Variants in SPAST observed in about 807,000 individuals in gnomAD.
The protein encoded by SPAST is spastic paraplegia 4 (autosomal dominant; spastin).
SPAST carries 30 observed loss-of-function variants against 76.6 expected under a neutral mutation model. The ratio of observed to expected loss-of-function variants is 0.39; its 90% confidence interval spans 0.29 to 0.53. The LOEUF (loss-of-function observed/expected upper bound fraction) is 0.53, where lower values mean the gene tolerates loss of function less well. Among genes scored for constraint, SPAST ranks in the 20% least tolerant of loss-of-function variants. SPAST has a pLI of 0.68. For synonymous variants in SPAST, 305 were observed against 281.0 expected, an observed-to-expected ratio of 1.09 and a Z score of -0.86; for missense variants, 717 against 770.5, an observed-to-expected ratio of 0.93 and a Z score of 0.82.
At chr2:32,110,771 C>CATAGTATAGTATATATAGT (rs1454173232) in intron 4 of SPAST, among the ~76,000 whole-genome samples, 1 of 108,522 alleles carries the variant, frequency 9.2e-6, no homozygotes, top group African/African-American at 3.7e-5. Context: ...ATATAGTATA[C>CATAGTATAGTATATATAGT]ATAGTATACT....
intron 15 of SPAST, 77 bp downstream of exon 15, chr2:32,145,084 TAC>T: frequency 6.5e-6 from 7 of 1,076,966 alleles, no homozygotes; most frequent in South Asian, 1.4e-5. Context: ...CAAAAAAATC[TAC>T]CAAGAGATTT....
At position 32,110,624 on chromosome 2, in the gene SPAST, ATAGTATATG is replaced by A. The variant is rs1678533728; in HGVS notation, c.683-4005_683-3997del. On this transcript the variant is annotated intron_variant, in intron 4 of 16. Transcript: ENST00000315285. ...ACACTATATACTATATAGTGTATAT[ATAGTATATG>A]TAGTATATATAGTATATATAGTATA... Among the ~76,000 whole-genome samples, 5 of 137,328 alleles carry A rather than the reference ATAGTATATG, an allele frequency of 3.6e-5. No homozygotes were observed. In the Admixed American group the frequency reaches 3.8e-4, roughly 10 times the overall value. The allele number at this position is 137,328 out of a possible 152,430, so 90.1% of individuals were successfully genotyped here.
chr2:32,147,374 A>G (rs1216249326), intron 16 of SPAST, 116 bp downstream of exon 16: 7 of 505,906 alleles, frequency 1.4e-5, no homozygotes, highest in Middle Eastern at 5.3e-4. Flanking sequence ...TTTTTTTGAG[A>G]CAGTCTGGCA....
intron 4 of SPAST, among the ~76,000 whole-genome samples, chr2:32,110,266 G>A (rs575477547): frequency 2.0e-5 from 3 of 148,952 alleles, no homozygotes; most frequent in East Asian, 3.9e-4. Flanking sequence ...TTACAGGCAC[G>A]TGGCACCACG....
At chr2:32,072,279 G>A (rs1469091551) in intron 1 of SPAST, among the ~76,000 whole-genome samples, 3 of 152,018 alleles carry the variant, frequency 2.0e-5, no homozygotes, top group Non-Finnish European at 4.4e-5. Flanking sequence ...TCTTGACCTC[G>A]TGATTCACCC....
chr2:32,124,214 C>A (rs1679116581), intron 7 of SPAST, among the ~76,000 whole-genome samples: 1 of 152,136 alleles, frequency 6.6e-6, no homozygotes, highest in African/African-American at 2.4e-5. Context: ...GGCAAAATAT[C>A]TGAACAGACA....
chr2:32,068,326 T>C (rs1489617808), intron 1 of SPAST, among the ~76,000 whole-genome samples: 1 of 73,314 alleles, frequency 1.4e-5, no homozygotes, highest in Non-Finnish European at 3.0e-5. Context: ...TTGACAGCTC[T>C]TTTTTTTTTT....
rs746352930 is a variant in SPAST at position 32,155,359 on chromosome 2, G to A, written c.*863G>A. ...GCAAGAATTATTCTGATATTTAAGAGAGCCAATTTTAACTGCTGTGAAAAT... is the reference window on the plus strand; with the variant it reads ...GCAAGAATTATTCTGATATTTAAGAAAGCCAATTTTAACTGCTGTGAAAAT... On this transcript the variant is annotated 3_prime_UTR_variant, in exon 17 of 17. Transcript: ENST00000315285. 6.6e-6 allele frequency: 1 copy of A among 152,472 alleles called. No individual in the cohort carries two copies. The highest frequency in any genetic ancestry group is 1.9e-4 in the East Asian group (1 of 5,194). The allele number at this position is 152,472 out of a possible 1,614,324, so 9.4% of individuals were successfully genotyped here. A position where few individuals can be genotyped will look rare whatever the true frequency, so the allele number is the denominator to read the frequency against.
chr2:32,063,844 G>C lies in SPAST; in HGVS notation c.13G>C (p.Gly5Arg). 6.3e-7 allele frequency: 1 copy of C among 1,578,460 alleles called. No individual in the cohort carries two copies. The highest frequency in any genetic ancestry group is 1.3e-5 in the African/African-American group (1 of 74,620). ...GTGAGAGCTGTGAATGAATTCTCCG[G>C]GTGGACGAGGGAAGAAGAAAGGCTC... MNSP[G>R]GRGKKKGSGG... The change falls in exon 1 of 17, where the codon GGT (glycine) becomes CGT (arginine). Residue 5 changes from glycine (G) to arginine (R), a missense_variant. Transcript: ENST00000315285.
intron 7 of SPAST, among the ~76,000 whole-genome samples, chr2:32,125,854 G>A (rs1358341997): frequency 2.0e-5 from 3 of 152,134 alleles, no homozygotes; most frequent in South Asian, 4.2e-4. Context: ...GAGTGCAGTG[G>A]CGCAATCTTG....
At chr2:32,133,397 C>T (rs762465296) in intron 9 of SPAST, among the ~76,000 whole-genome samples, 1 of 152,196 alleles carries the variant, frequency 6.6e-6, no homozygotes, top group Non-Finnish European at 1.5e-5. Flanking sequence ...AGGCACTCCA[C>T]CATCTTTATC....
At chr2:32,092,095 T>TTTCC (rs1200428733) in intron 3 of SPAST, among the ~76,000 whole-genome samples, 1 of 152,180 alleles carries the variant, frequency 6.6e-6, no homozygotes, top group Non-Finnish European at 1.5e-5. Context: ...CATATACATT[T>TTTCC]TATTCATTCT....
At chr2:32,083,771 TATATA>T (rs1483224321) in intron 1 of SPAST, among the ~76,000 whole-genome samples, 90 of 93,442 alleles carry the variant, frequency 9.6e-4, no homozygotes, top group Non-Finnish European at 1.3e-3. Context: ...TATATATATA[TATATA>T]TTTTTTTTTT....
chr2:32,155,908 G>GAA lies in SPAST; in HGVS notation c.*1414_*1415dup, dbSNP rs1159380179. ...ATTTAGGAAAGATTTCTTAGGTTTT[G>GAA]AAAGAATACATTAAAATAAAAAACT... On this transcript the variant is annotated 3_prime_UTR_variant, in exon 17 of 17. Transcript: ENST00000315285. The GAA allele has an allele frequency of 1.3e-5, 2 of 152,460 alleles. No individual in the cohort carries two copies. Among genetic ancestry groups the GAA allele is most frequent in the Non-Finnish European group, 2.9e-5 (2 of 68,004 alleles). 9.4% of individuals were successfully genotyped at this position (152,460 alleles called of 1,614,324 possible). A position where few individuals can be genotyped will look rare whatever the true frequency, so the allele number is the denominator to read the frequency against.
At chr2:32,147,633 T>TGTTA (rs1679938230) in intron 16 of SPAST, among the ~76,000 whole-genome samples, 1 of 140,180 alleles carries the variant, frequency 7.1e-6, no homozygotes, top group South Asian at 2.5e-4. Flanking sequence ...TTTGTTTGTT[T>TGTTA]GTTTGTTTGT....
intron 2 of SPAST, among the ~76,000 whole-genome samples, chr2:32,089,063 T>C (rs1323401527): frequency 1.3e-5 from 2 of 152,054 alleles, no homozygotes; most frequent in Admixed American, 6.6e-5. Flanking sequence ...TTTTTATAGG[T>C]ATTATATGTA....
At chr2:32,134,415 T>G (rs1679467639) in intron 9 of SPAST, among the ~76,000 whole-genome samples, 1 of 151,138 alleles carries the variant, frequency 6.6e-6, no homozygotes, top group East Asian at 1.9e-4. Context: ...GGCAGGAGAG[T>G]TGCTTGAACC....
chr2:32,064,144 C>G lies in SPAST; in HGVS notation c.313C>G (p.Pro105Ala), dbSNP rs776209431. Residue 105 changes from proline (P) to alanine (A), a missense_variant, in exon 1 of 17, where the codon CCG (proline) becomes GCG (alanine). By Grantham distance (27) the Pro-to-Ala change is conservative (BLOSUM62 -1). Coordinates refer to ENST00000315285, the MANE Select transcript of SPAST (RefSeq NM_014946.4). ...AAPAPASASAPAPVPGGEAER... is the reference protein window; with the variant it reads ...AAPAPASASAAAPVPGGEAER... The stretch of plus-strand genomic sequence containing the variant: ...GCCAGCACCTGCCTCGGCCTCGGCC[C>G]CGGCGCCGGTGCCGGGCGGCGAGGC... The G allele has an allele frequency of 6.4e-7, 1 of 1,564,870 alleles. No individual in the cohort carries two copies. The highest frequency in any genetic ancestry group is 1.2e-5 in the South Asian group (1 of 86,048).
At chr2:32,128,646 C>T in intron 9 of SPAST, 167 bp downstream of exon 9, 2 of 633,276 alleles carry the variant, frequency 3.2e-6, no homozygotes, top group Non-Finnish European at 5.7e-6. Flanking sequence ...AAGTTATGTA[C>T]ATTTGTGTTG....
Sources: allele counts gnomAD v4.1 joint callset (sites outside exome capture counted in the v4.1 genomes callset), GRCh38; gene constraint gnomAD v4.1.1; transcripts MANE v1.5; gene names NCBI Gene and HGNC (gene_info 2026-07-23, HGNC 2026-07-21).